The following PTPRG variants were observed in gnomAD, a reference collection of about 807,000 sequenced individuals.
The protein encoded by PTPRG is protein tyrosine phosphatase receptor type G.
In PTPRG, 102 loss-of-function variants were observed where a neutral mutation model predicts 165.3. That is an observed-to-expected ratio of 0.62 (90% confidence interval 0.53 to 0.73). The LOEUF (loss-of-function observed/expected upper bound fraction) is 0.73, where lower values mean the gene tolerates loss of function less well. Ranked by LOEUF, PTPRG falls within the 30% of genes least tolerant of loss-of-function variation. PTPRG has a pLI of 0.00. For synonymous variants in PTPRG, 675 were observed against 669.5 expected (o/e 1.01, Z -0.13); for missense variants, 1,866 against 1,861.4 (o/e 1.00, Z -0.05).
intron 1 of PTPRG, among the ~76,000 whole-genome samples, chr3:61,600,173 A>AAAAAAT (rs1409193580): frequency 8.1e-6 from 1 of 123,484 alleles, no homozygotes; most frequent in African/African-American, 3.0e-5. Context: ...AAAAAAAAAA[A>AAAAAAT]ATATATATAT....
chr3:61,904,767 G>C (rs2038598187), intron 2 of PTPRG, among the ~76,000 whole-genome samples: 1 of 152,142 alleles, frequency 6.6e-6, no homozygotes, highest in Non-Finnish European at 1.5e-5. Flanking sequence ...TATGAGTATA[G>C]CTGGTATTTA....
At chr3:62,013,954 C>T (rs552444860) in intron 4 of PTPRG, among the ~76,000 whole-genome samples, 12 of 152,080 alleles carry the variant, frequency 7.9e-5, no homozygotes, top group African/African-American at 2.4e-4. Context: ...GACTTCAGGC[C>T]GCCAGATCAG....
At chr3:61,598,076 T>C (rs55849951) in intron 1 of PTPRG, among the ~76,000 whole-genome samples, 4,338 of 152,282 alleles carry the variant, frequency 0.028, 191 homozygotes, top group African/African-American at 0.097. Flanking sequence ...GAAACTCGGC[T>C]ACCTCTGTTC....
At chr3:62,139,551 G>C (rs893575357) in intron 6 of PTPRG, among the ~76,000 whole-genome samples, 1 of 152,182 alleles carries the variant, frequency 6.6e-6, no homozygotes, top group Non-Finnish European at 1.5e-5. Flanking sequence ...CTCTCTCTCG[G>C]TCTTCCCTTC....
intron 1 of PTPRG, among the ~76,000 whole-genome samples, chr3:61,704,752 C>G (rs370266496): frequency 6.6e-6 from 1 of 152,208 alleles, no homozygotes; most frequent in Non-Finnish European, 1.5e-5. Flanking sequence ...TAACAAAGCC[C>G]TGGTAGCAAA....
At chr3:61,867,943 T>G (rs2037456061) in intron 2 of PTPRG, among the ~76,000 whole-genome samples, 1 of 152,164 alleles carries the variant, frequency 6.6e-6, no homozygotes, top group Middle Eastern at 3.2e-3. Flanking sequence ...CTTGGTCTGC[T>G]TACCTTTCTC....
At chr3:61,951,241 T>A (rs2039893199) in intron 2 of PTPRG, among the ~76,000 whole-genome samples, 1 of 152,238 alleles carries the variant, frequency 6.6e-6, no homozygotes, top group Non-Finnish European at 1.5e-5. Context: ...TGGCAATCAC[T>A]TCTATTCCAG....
chr3:61,653,993 C>T (rs1702441002), intron 1 of PTPRG, among the ~76,000 whole-genome samples: 1 of 152,028 alleles, frequency 6.6e-6, no homozygotes. Flanking sequence ...ATGGATGGCT[C>T]CAGGGGAAGC....
At chr3:62,028,019 C>G (rs1308839802) in intron 4 of PTPRG, among the ~76,000 whole-genome samples, 1 of 152,094 alleles carries the variant, frequency 6.6e-6, no homozygotes, top group Admixed American at 6.6e-5. Context: ...ATCAGCCCAG[C>G]CTGCATTTAA....
intron 4 of PTPRG, among the ~76,000 whole-genome samples, chr3:62,064,178 C>T (rs1423221674): frequency 6.6e-6 from 1 of 152,004 alleles, no homozygotes; most frequent in Non-Finnish European, 1.5e-5. Flanking sequence ...GTGTTTTAAA[C>T]AGTTGGGATA....
At chr3:62,239,360 C>CTTTTTTTT (rs776921598) in intron 14 of PTPRG, among the ~76,000 whole-genome samples, 4 of 124,538 alleles carry the variant, frequency 3.2e-5, no homozygotes, top group Non-Finnish European at 5.1e-5. Context: ...TTTTTTCTTT[C>CTTTTTTTT]TTTTTTTTTT....
chr3:61,817,030 T>C (rs2035788914), intron 2 of PTPRG, among the ~76,000 whole-genome samples: 1 of 129,540 alleles, frequency 7.7e-6, no homozygotes, highest in Admixed American at 9.1e-5. Context: ...ATATAATATA[T>C]AGTATATAAT....
intron 3 of PTPRG, among the ~76,000 whole-genome samples, chr3:61,990,741 C>G (rs1291611068): frequency 6.6e-6 from 1 of 151,930 alleles, no homozygotes; most frequent in East Asian, 1.9e-4. Flanking sequence ...TTTTCTCTTT[C>G]TCTTCTTAAA....
At chr3:61,762,320 A>G (rs1334163027) in intron 2 of PTPRG, among the ~76,000 whole-genome samples, 2 of 152,200 alleles carry the variant, frequency 1.3e-5, no homozygotes, top group Non-Finnish European at 2.9e-5. Context: ...TGTGCCAGAA[A>G]GAACGAGTTA....
At chr3:62,075,279 C>G (rs377021868) in intron 4 of PTPRG, among the ~76,000 whole-genome samples, 1 of 152,188 alleles carries the variant, frequency 6.6e-6, no homozygotes, top group East Asian at 1.9e-4. Flanking sequence ...TTCTGTGAAC[C>G]TACTTAATTT....
At chr3:61,580,189 C>T (rs1280299755) in intron 1 of PTPRG, among the ~76,000 whole-genome samples, 1 of 152,090 alleles carries the variant, frequency 6.6e-6, no homozygotes, top group Non-Finnish European at 1.5e-5. Flanking sequence ...AACCTGTAAT[C>T]CCAGCTACTC....
chr3:61,968,297 A>G (rs1413526650), intron 2 of PTPRG, among the ~76,000 whole-genome samples: 1 of 152,124 alleles, frequency 6.6e-6, no homozygotes, highest in Non-Finnish European at 1.5e-5. Flanking sequence ...CACTTACTAA[A>G]TGGCTTCTAT....
chr3:62,190,511 T>C lies in PTPRG; in HGVS notation c.1034-958T>C, dbSNP rs1559625526. On this transcript the variant is annotated intron_variant, in intron 8 of 29. Transcript: ENST00000474889. This position sits in a 1 kb window ranked among gnomAD's most constrained non-coding sequence, Gnocchi z 5.2. ...ACACTTTCATAGGTTTGTCTGTAAA[T>C]AGATTTAGATCCACCGTGTCCCTTA... is the stretch of plus-strand genomic sequence containing the variant. 6.6e-6 allele frequency among the ~76,000 whole-genome samples: 1 copy of C among 152,106 alleles called. No homozygotes were observed. The highest frequency in any genetic ancestry group is 2.1e-4 in the South Asian group (1 of 4,826).
intron 1 of PTPRG, among the ~76,000 whole-genome samples, chr3:61,691,213 G>A (rs148916224): frequency 7.9e-5 from 12 of 152,224 alleles, no homozygotes; most frequent in Non-Finnish European, 1.6e-4. Context: ...AGGAGTTTGA[G>A]ACCACCCTGG....
Sources: allele counts gnomAD v4.1 joint callset (sites outside exome capture counted in the v4.1 genomes callset), GRCh38; gene constraint gnomAD v4.1.1; non-coding constraint Gnocchi (gnomAD v3.1); transcripts MANE v1.5; gene names NCBI Gene and HGNC (gene_info 2026-07-23, HGNC 2026-07-21).